HAVCR2: variants seen among roughly 807,000 people sequenced by gnomAD.
HAVCR2 encodes the protein hepatitis A virus cellular receptor 2, also known as T cell immunoglobulin mucin 3.
A neutral mutation model predicts 24.7 loss-of-function variants in HAVCR2; 13 were observed. The observed-to-expected ratio is 0.53, with a 90% CI of 0.34 to 0.84. HAVCR2 has a LOEUF of 0.84. Among genes scored for constraint, HAVCR2 ranks in the 40% least tolerant of loss-of-function variants. The pLI is 0.01. For synonymous variants in HAVCR2, 154 were observed against 143.4 expected (o/e 1.07, Z -0.53); for missense variants, 343 against 371.2 (o/e 0.92, Z 0.62).
intron 3 of HAVCR2, among the ~76,000 whole-genome samples, chr5:157,101,803 T>G (rs1375741318): frequency 6.6e-6 from 1 of 150,546 alleles, no homozygotes; most frequent in Non-Finnish European, 1.5e-5. Flanking sequence ...AGAAAGGGTC[T>G]CGCTCTGTTG....
At chr5:157,096,422 C>G (rs1438636929) in intron 4 of HAVCR2, among the ~76,000 whole-genome samples, 1 of 152,114 alleles carries the variant, frequency 6.6e-6, no homozygotes, top group Non-Finnish European at 1.5e-5. Context: ...AACTGAGAGC[C>G]ACACAAAATA....
intron 3 of HAVCR2, among the ~76,000 whole-genome samples, chr5:157,100,137 C>T (rs1367294907): frequency 6.6e-6 from 1 of 152,192 alleles, no homozygotes; most frequent in Non-Finnish European, 1.5e-5. Flanking sequence ...TGAAGAAGCT[C>T]ATTTTAGAGA....
chr5:157,095,224 G>T, intron 5 of HAVCR2, 82 bp downstream of exon 5: 3 of 1,466,740 alleles, frequency 2.0e-6, no homozygotes, highest in South Asian at 1.2e-5. Flanking sequence ...GTATAAACAT[G>T]AATTTGCATT....
intron 3 of HAVCR2, 30 bp from the exon 4 acceptor site, chr5:157,098,931 G>GAGAGA: frequency 3.2e-6 from 5 of 1,540,568 alleles, no homozygotes; most frequent in Non-Finnish European, 3.5e-6. Context: ...GAGAGAGAGA[G>GAGAGA]GAAAAATAGC....
intron 3 of HAVCR2, among the ~76,000 whole-genome samples, chr5:157,102,950 G>A (rs1222657021): frequency 1.6e-4 from 17 of 104,296 alleles, no homozygotes; most frequent in Admixed American, 1.4e-3. Context: ...AAAAAAAAAA[G>A]GAAAGAAAAA....
At chr5:157,107,941 ATCT>A (rs113985853) in intron 1 of HAVCR2, among the ~76,000 whole-genome samples, 3,226 of 150,402 alleles carry the variant, frequency 0.021, 113 homozygotes, top group African/African-American at 0.074. Context: ...CCTCAAAATC[ATCT>A]TCTGAGAAAG....
chr5:157,108,799 A>T, intron 1 of HAVCR2, 127 bp downstream of exon 1: 4 of 706,404 alleles, frequency 5.7e-6, no homozygotes, highest in Non-Finnish European at 7.0e-6. Flanking sequence ...TCCCTCATCG[A>T]CGGACATTTA....
chr5:157,088,987 G>A lies in HAVCR2; in HGVS notation c.677-10C>T, dbSNP rs763415140. On this transcript the variant is annotated splice_polypyrimidine_tract_variant and intron_variant, in intron 5 of 6. Transcript: ENST00000307851. ...TTGCTATGAGAATACCCTAGTAAGG[G>A]GGAAACAAAAGCCAATAAAAATGCA... The A allele has an allele frequency of 6.3e-7, 1 of 1,597,132 alleles. No individual in the cohort carries two copies. The highest frequency in any genetic ancestry group is 8.5e-7 in the Non-Finnish European group (1 of 1,173,706).
chr5:157,104,093 A>G (rs1757211163), intron 3 of HAVCR2, among the ~76,000 whole-genome samples: 1 of 152,222 alleles, frequency 6.6e-6, no homozygotes, highest in Non-Finnish European at 1.5e-5. Flanking sequence ...CAGGACACTG[A>G]CAAGAAATAC....
At chr5:157,091,933 T>C (rs1225061306) in intron 5 of HAVCR2, among the ~76,000 whole-genome samples, 1 of 152,128 alleles carries the variant, frequency 6.6e-6, no homozygotes, top group Admixed American at 6.6e-5. Context: ...CTTAAAAAGC[T>C]GTCACCTTGA....
chr5:157,096,927 AACACACACAC>A (rs34799337), intron 4 of HAVCR2, among the ~76,000 whole-genome samples: 11 of 142,956 alleles, frequency 7.7e-5, no homozygotes, highest in South Asian at 2.3e-4. Flanking sequence ...ATTTATACAA[AACACACACAC>A]ACACACACAC....
chr5:157,094,587 T>C (rs1757065142), intron 5 of HAVCR2, among the ~76,000 whole-genome samples: 1 of 151,766 alleles, frequency 6.6e-6, no homozygotes, highest in African/African-American at 2.4e-5. Flanking sequence ...CTCACCATGT[T>C]GGCCAAGCTG....
Position 157,106,941 on chromosome 5 carries a change from CTG to C in HAVCR2, c.78_79del (p.Tyr26Ter). The C allele has an allele frequency of 6.2e-7, 1 of 1,613,590 alleles. No homozygotes were observed. On this transcript the variant is annotated stop_gained and frameshift_variant, in exon 2 of 7. Transcript: ENST00000307851. LOFTEE classifies it high-confidence loss of function. ...ATAGGCATTCTGACCGACCTCCGCT[CTG>C]TATTCCACTTCTGAGGACCCTGCAT...
intron 1 of HAVCR2, 70 bp from the exon 2 acceptor site, chr5:157,107,032 A>G: frequency 7.9e-7 from 1 of 1,265,702 alleles, no homozygotes; most frequent in African/African-American, 1.5e-5. Flanking sequence ...GGAAAACTGC[A>G]AGCCATGTCT....
At chr5:157,105,966 C>G (rs1360127979) in intron 2 of HAVCR2, among the ~76,000 whole-genome samples, 1 of 151,964 alleles carries the variant, frequency 6.6e-6, no homozygotes, top group Non-Finnish European at 1.5e-5. Context: ...CCTGCTTCAG[C>G]CTCTCAAAGT....
chr5:157,092,910 A>C (rs1424217965), intron 5 of HAVCR2, among the ~76,000 whole-genome samples: 3 of 119,824 alleles, frequency 2.5e-5, no homozygotes, highest in Non-Finnish European at 3.4e-5. Context: ...AAAAAAAAAA[A>C]AAAAAAAACT....
intron 3 of HAVCR2, among the ~76,000 whole-genome samples, chr5:157,099,334 G>A (rs554390201): frequency 1.1e-4 from 17 of 151,866 alleles, no homozygotes; most frequent in Non-Finnish European, 1.9e-4. Context: ...TCAGCTCACC[G>A]CAACCTCGGC....
intron 5 of HAVCR2, among the ~76,000 whole-genome samples, chr5:157,092,146 ATATATAT>A (rs1056685614): frequency 7.4e-6 from 1 of 134,574 alleles, no homozygotes; most frequent in African/African-American, 3.2e-5. Context: ...TATTATATAT[ATATATAT>A]ATATATATAT....
intron 1 of HAVCR2, among the ~76,000 whole-genome samples, chr5:157,107,926 G>A (rs1247404070): frequency 7.1e-6 from 1 of 140,128 alleles, no homozygotes; most frequent in Admixed American, 7.7e-5. Context: ...CTTTAAATCT[G>A]GAGCCCTCAA....
Sources: gnomAD v4.1 joint callset for allele counts (sites outside exome capture counted in the v4.1 genomes callset) on GRCh38, gnomAD v4.1.1 for gene constraint, MANE v1.5 for transcripts, NCBI Gene and HGNC (gene_info 2026-07-23, HGNC 2026-07-21) for gene names.